The following METTL3 variants were observed in gnomAD, a reference collection of about 807,000 sequenced individuals.
METTL3 encodes the protein N(6)-adenosine-methyltransferase catalytic subunit METTL3.
Under a neutral mutation model 64.3 loss-of-function variants are expected in METTL3, and 42 were observed. The observed-to-expected ratio is 0.65, with a 90% CI of 0.51 to 0.84. The LOEUF (loss-of-function observed/expected upper bound fraction) is 0.84, where lower values mean the gene tolerates loss of function less well. Among genes scored for constraint, METTL3 ranks in the 40% least tolerant of loss-of-function variants. METTL3 has a pLI of 0.00. For missense variants in METTL3, 435 were observed against 722.3 expected (o/e 0.60, Z 4.56); for synonymous variants, 256 against 263.6 (o/e 0.97, Z 0.28).
At chr14:21,510,167 A>G (rs1891798433) in intron 1 of METTL3, among the ~76,000 whole-genome samples, 1 of 152,158 alleles carries the variant, frequency 6.6e-6, no homozygotes, top group East Asian at 1.9e-4. Flanking sequence ...TGCTTTTTAA[A>G]CTTCTTGAGG....
chr14:21,509,161 G>A (rs1891770374), intron 1 of METTL3, among the ~76,000 whole-genome samples: 1 of 152,056 alleles, frequency 6.6e-6, no homozygotes, highest in Non-Finnish European at 1.5e-5. Context: ...GCAACATGGT[G>A]AAACCCCTTC....
chr14:21,503,635 G>T (rs1436504615), intron 2 of METTL3, 29 bp downstream of exon 2: 1 of 1,613,856 alleles, frequency 6.2e-7, no homozygotes, highest in Non-Finnish European at 8.5e-7. Context: ...GAAAATAAGT[G>T]GTAAATCCTA....
chr14:21,500,824 T>A (rs1891548374), intron 5 of METTL3, 89 bp downstream of exon 5: 1 of 1,439,652 alleles, frequency 6.9e-7, no homozygotes, highest in Non-Finnish European at 9.5e-7. Flanking sequence ...ACAAGATTGC[T>A]GAATTATGCT....
chr14:21,511,136 A>C lies in METTL3; in HGVS notation c.88T>G (p.Ser30Ala). The C allele has an allele frequency of 6.2e-7, 1 of 1,614,066 alleles. No individual in the cohort carries two copies. Among genetic ancestry groups the C allele is most frequent in the Non-Finnish European group, 8.5e-7 (1 of 1,179,976 alleles). The change falls in exon 1 of 11, where the codon TCG becomes GCG. Residue 30 changes from serine (S) to alanine (A), a missense_variant. Ser to Ala is a moderately conservative substitution (Grantham distance 99, BLOSUM62 1). Around this residue, in one of 9 missense-constraint regions of METTL3, gnomAD observed 228 missense variants for 279.6 expected, o/e 0.82. Coordinates refer to ENST00000298717, the MANE Select transcript of METTL3 (RefSeq NM_019852.5). ...ERLQRRRKQD[S>A]GHLDLRNPEA... is the part of the protein sequence containing the mutation. ...CCCAGTGCCTCACCCAAGTGCCCCG[A>C]GTCCTGCTTCCGCCTCCGCTGCAGC...
chr14:21,510,994 G>A (rs979589474), intron 1 of METTL3, 130 bp downstream of exon 1: 6 of 1,033,346 alleles, frequency 5.8e-6, no homozygotes, highest in Non-Finnish European at 8.1e-6. Context: ...AAGGTGGAGA[G>A]GGAGTACCAA....
At chr14:21,504,188 T>C (rs964242585) in intron 1 of METTL3, 2 of 320,748 alleles carry the variant, frequency 6.2e-6, no homozygotes, top group Admixed American at 9.2e-5. Context: ...CCCTACCACC[T>C]TTCTATCAAC....
chr14:21,503,706 T>C lies in METTL3; in HGVS notation c.276A>G (p.Thr92=), dbSNP rs776651044. The change falls in exon 2 of 11, where the codon ACA becomes ACG. Residue 92 remains threonine, a synonymous_variant. Transcript: ENST00000298717. The part of the protein sequence containing the change: ...LLHHLSDLAL[T]LPTDAVSICL... ...AGATGGACACAGCATCAGTGGGCAA[T>C]GTTAAGGCCAGATCAGAGAGGTGGT... 2.5e-6 allele frequency: 4 copies of C among 1,614,202 alleles called. No homozygotes were observed. The South Asian group carries it at 3.3e-5, about 13-fold the overall frequency.
At chr14:21,509,317 G>A (rs1891774520) in intron 1 of METTL3, among the ~76,000 whole-genome samples, 1 of 152,236 alleles carries the variant, frequency 6.6e-6, no homozygotes, top group African/African-American at 2.4e-5. Context: ...TCCAGCCTGG[G>A]TGACAGAGGG....
At chr14:21,510,369 T>G (rs1891803449) in intron 1 of METTL3, among the ~76,000 whole-genome samples, 1 of 152,226 alleles carries the variant, frequency 6.6e-6, no homozygotes, top group Admixed American at 6.5e-5. Flanking sequence ...TGACAAATAT[T>G]GGAACAATCT....
intron 1 of METTL3, among the ~76,000 whole-genome samples, chr14:21,505,590 C>A (rs1891678015): frequency 6.6e-6 from 1 of 152,068 alleles, no homozygotes; most frequent in South Asian, 2.1e-4. Flanking sequence ...AACTTAACTG[C>A]TGGTTAATAC....
Position 21,498,169 on chromosome 14 carries a change from AAAG to A in METTL3, c.*86_*88del, listed in dbSNP as rs570338209. The stretch of plus-strand genomic sequence containing the variant: ...CTACAATACAAATGTTTATTTAAAT[AAAG>A]AAGAAAGCTATTGTACAAATATCAC... On this transcript the variant is annotated 3_prime_UTR_variant, in exon 11 of 11. Coordinates refer to ENST00000298717, the MANE Select transcript of METTL3 (RefSeq NM_019852.5). 3.9e-4 allele frequency: 309 copies of A among 785,204 alleles called. No homozygotes were observed. In the African/African-American group the frequency reaches 5.0e-3, roughly 13 times the overall value. 48.6% of individuals were successfully genotyped at this position (785,204 alleles called of 1,614,324 possible).
chr14:21,504,496 G>A (rs531536888), intron 1 of METTL3: 1 of 152,370 alleles, frequency 6.6e-6, no homozygotes, highest in Non-Finnish European at 1.5e-5. Flanking sequence ...CTAAAATTAG[G>A]ACAAAATGTT....
intron 1 of METTL3, among the ~76,000 whole-genome samples, chr14:21,508,780 G>C (rs926634435): frequency 6.6e-6 from 1 of 152,196 alleles, no homozygotes; most frequent in Non-Finnish European, 1.5e-5. Flanking sequence ...TGTAATCCCA[G>C]CTACTCAGGA....
chr14:21,501,931 A>C, intron 3 of METTL3, 28 bp from the exon 4 acceptor site: 1 of 1,609,450 alleles, frequency 6.2e-7, no homozygotes, highest in Non-Finnish European at 8.5e-7. Flanking sequence ...TTGGACTTAA[A>C]ATGTCTTATA....
At position 21,500,958 on chromosome 14, in the gene METTL3, C is replaced by G. The variant is rs371811912; in HGVS notation, c.1071G>C (p.Gln357His). 6.2e-7 allele frequency: 1 copy of G among 1,614,128 alleles called. No homozygotes were observed. Among genetic ancestry groups the G allele is most frequent in the Non-Finnish European group, 8.5e-7 (1 of 1,180,010 alleles). ...CTGCACTGGAATCACCTCCGACACT[C>G]TGTGTAAGAGCAAGCTCCTGGCTTG... ...HTPSQELALTQSVGGDSSADR... is the reference protein window; with the variant it reads ...HTPSQELALTHSVGGDSSADR... Residue 357 changes from glutamine to histidine, a missense_variant, in exon 5 of 11, where the codon CAG becomes CAC. By Grantham distance (24) the Gln-to-His change is conservative. Coordinates refer to ENST00000298717, the MANE Select transcript of METTL3 (RefSeq NM_019852.5).
intron 1 of METTL3, 101 bp downstream of exon 1, chr14:21,511,023 A>G (rs1891822371): frequency 3.7e-6 from 5 of 1,358,750 alleles, no homozygotes; most frequent in Non-Finnish European, 5.0e-6. Flanking sequence ...GCTTTATAGA[A>G]ATGGCCGTTT....
chr14:21,510,986 G>T, intron 1 of METTL3, 138 bp downstream of exon 1: 2 of 953,218 alleles, frequency 2.1e-6, no homozygotes, highest in Non-Finnish European at 3.0e-6. Flanking sequence ...TGCTGCTGAA[G>T]GTGGAGAGGG....
rs779348179 is a variant in METTL3, at chr14:21,503,556, C to T, written c.340G>A (p.Asp114Asn). 3 of 1,612,782 alleles carry T rather than the reference C, an allele frequency of 1.9e-6. No homozygotes were observed. In the East Asian group the frequency reaches 6.7e-5, roughly 36 times the overall value. The change falls in exon 3 of 11, where the codon GAT (aspartate) becomes AAT (asparagine). Residue 114 changes from aspartate (D) to asparagine (N), a missense_variant. By Grantham distance (23) the Asp-to-Asn change is conservative. Coordinates refer to ENST00000298717, the MANE Select transcript of METTL3 (RefSeq NM_019852.5). ...TTCTGCAGGAGGCTTTCTACCCCATCTTGAGTGGCAGGAGCATCTGGCTAG... is the reference window on the plus strand; with the variant it reads ...TTCTGCAGGAGGCTTTCTACCCCATTTTGAGTGGCAGGAGCATCTGGCTAG... ...ISTPDAPATQ[D>N]GVESLLQKFA...
intron 1 of METTL3, chr14:21,504,930 ACT>A (rs1355520501): frequency 6.6e-6 from 1 of 152,074 alleles, no homozygotes; most frequent in African/African-American, 2.4e-5. Flanking sequence ...ACAGAGCAAG[ACT>A]CTGTCTCAAA....
Sources: allele counts gnomAD v4.1 joint callset (sites outside exome capture counted in the v4.1 genomes callset), GRCh38; gene constraint gnomAD v4.1.1; regional missense constraint gnomAD v4.1.1; transcripts MANE v1.5; gene names NCBI Gene and HGNC (gene_info 2026-07-23, HGNC 2026-07-21).